DPP6: variants seen among roughly 807,000 people sequenced by gnomAD.
The protein encoded by DPP6 is A-type potassium channel modulatory protein DPP6.
A neutral mutation model predicts 122.6 loss-of-function variants in DPP6; 69 were observed. The ratio of observed to expected loss-of-function variants is 0.56; its 90% confidence interval spans 0.46 to 0.69. The LOEUF (loss-of-function observed/expected upper bound fraction) is 0.69, where lower values mean the gene tolerates loss of function less well. DPP6 is among the 30% of genes least tolerant of loss of function. The probability of loss-of-function intolerance (pLI) is 0.00; values close to 1 mark genes in which losing one functional copy is unlikely to be tolerated. For missense variants in DPP6, 928 were observed against 1,116.9 expected, an observed-to-expected ratio of 0.83 and a Z score of 2.41; for synonymous variants, 418 against 433.1, an observed-to-expected ratio of 0.97 and a Z score of 0.43.
At chr7:154,545,751 G>A (rs994562479) in intron 4 of DPP6, among the ~76,000 whole-genome samples, 2 of 152,106 alleles carry the variant, frequency 1.3e-5, no homozygotes, top group African/African-American at 4.8e-5. Flanking sequence ...CTTTTATGAG[G>A]TGAGGAAACT....
chr7:154,083,452 T>C (rs1585338665), intron 1 of DPP6, among the ~76,000 whole-genome samples: 1 of 151,220 alleles, frequency 6.6e-6, no homozygotes, highest in East Asian at 2.0e-4. Flanking sequence ...AGCGTTGCCA[T>C]CCTCCCTACC....
chr7:154,792,834 C>T (rs1031709359), intron 10 of DPP6, among the ~76,000 whole-genome samples: 3 of 152,238 alleles, frequency 2.0e-5, no homozygotes, highest in Non-Finnish European at 4.4e-5. Flanking sequence ...TCAGGAACTC[C>T]CCATGACCAC....
At chr7:154,793,995 G>A (rs1797849943) in intron 10 of DPP6, 84 bp from the exon 11 acceptor site, 1 of 1,536,318 alleles carries the variant, frequency 6.5e-7, no homozygotes, top group Admixed American at 1.8e-5. Context: ...CCCGTGTCGT[G>A]TCCAGGGCTG....
At chr7:154,776,197 G>C (rs543475094) in intron 10 of DPP6, among the ~76,000 whole-genome samples, 128 of 92,040 alleles carry the variant, frequency 1.4e-3, no homozygotes, top group Non-Finnish European at 2.3e-3. Flanking sequence ...CCCCATGATA[G>C]ATGATAGATA....
chr7:154,135,671 C>G (rs536939138), intron 1 of DPP6, among the ~76,000 whole-genome samples: 97 of 151,754 alleles, frequency 6.4e-4, no homozygotes, highest in Non-Finnish European at 1.2e-3. Flanking sequence ...CTGTGCAATT[C>G]CTGTGAGCAC....
chr7:153,937,765 C>G (rs971874054), intron 1 of DPP6, among the ~76,000 whole-genome samples: 2 of 152,208 alleles, frequency 1.3e-5, no homozygotes, highest in African/African-American at 4.8e-5. Context: ...CCTTTGATGC[C>G]CATTTTCATC....
chr7:154,446,101 C>A, intron 1 of DPP6, 113 bp from the exon 2 acceptor site: 1 of 633,068 alleles, frequency 1.6e-6, no homozygotes, highest in Non-Finnish European at 2.7e-6. Flanking sequence ...TGGGAAGATG[C>A]CTCTTTCACT....
Position 154,036,418 on chromosome 7 carries a change from G to T in DPP6, c.51+148684G>T, listed in dbSNP as rs559308533. 3.2e-3 allele frequency among the ~76,000 whole-genome samples: 473 copies of T among 147,726 alleles called. 2 individuals carry two copies. The highest frequency in any genetic ancestry group is 5.0e-3 in the Non-Finnish European group (339 of 67,282). On this transcript the variant is annotated intron_variant, in intron 1 of 25. Coordinates refer to the DPP6 transcript ENST00000404039. ...TTACAGGCATGAGCCACCTTGTCTGGCCTCTACTTTCTCCAGTTAGAAAGT... is the reference window on the plus strand; with the variant it reads ...TTACAGGCATGAGCCACCTTGTCTGTCCTCTACTTTCTCCAGTTAGAAAGT...
chr7:154,152,363 GA>G (rs1781580283), intron 1 of DPP6, among the ~76,000 whole-genome samples: 1 of 152,172 alleles, frequency 6.6e-6, no homozygotes, highest in Admixed American at 6.5e-5. Context: ...TTACCATCAG[GA>G]TGGAGAGAGC....
At chr7:154,751,115 G>A (rs1421019673) in intron 8 of DPP6, among the ~76,000 whole-genome samples, 2 of 152,180 alleles carry the variant, frequency 1.3e-5, no homozygotes, top group Admixed American at 6.5e-5. Context: ...AGATGGATGT[G>A]CTGGGAGGAA....
chr7:153,864,672 T>TACACACACACAC, the DPP6 span, among the ~76,000 whole-genome samples: 6 of 135,194 alleles, frequency 4.4e-5, no homozygotes, highest in Non-Finnish European at 9.5e-5. Flanking sequence ...ATAATAATAA[T>TACACACACACAC]ACACACACAC....
rs114305356 is a variant in DPP6, at chr7:154,287,229, C to T, written c.244-158985C>T. 5.3e-5 allele frequency among the ~76,000 whole-genome samples: 8 copies of T among 152,320 alleles called. No individual in the cohort carries two copies. In the East Asian group the frequency reaches 5.8e-4, roughly 11 times the overall value. On this transcript the variant is annotated intron_variant, in intron 1 of 25. Coordinates refer to ENST00000377770, the MANE Select transcript of DPP6 (RefSeq NM_130797.4). ...ATGCAAGCTCACTTAGAAGGGGAAA[C>T]GTGCTTAGTTAATGCCAGGGTTCAC...
At chr7:153,890,006 C>G (rs1025839606) in intron 1 of DPP6, among the ~76,000 whole-genome samples, 1 of 152,206 alleles carries the variant, frequency 6.6e-6, no homozygotes, top group African/African-American at 2.4e-5. Context: ...TTGGAAGACT[C>G]TTGCTAATCA....
intron 3 of DPP6, among the ~76,000 whole-genome samples, chr7:154,494,708 G>GCAC (rs1824575610): frequency 6.6e-6 from 1 of 152,114 alleles, no homozygotes; most frequent in Non-Finnish European, 1.5e-5. Flanking sequence ...AAAAGACGCT[G>GCAC]AGTACTTTAT....
chr7:153,911,324 C>T (rs1384401548), intron 1 of DPP6, among the ~76,000 whole-genome samples: 1 of 152,180 alleles, frequency 6.6e-6, no homozygotes, highest in African/African-American at 2.4e-5. Flanking sequence ...ATGATCCCTG[C>T]TCAGTCACTC....
chr7:154,879,606 A>C (rs1563316779), intron 20 of DPP6, among the ~76,000 whole-genome samples: 1 of 151,370 alleles, frequency 6.6e-6, no homozygotes. Flanking sequence ...AAAAAAAAAA[A>C]AAAACACAAA....
At chr7:154,209,757 T>C (rs917098704) in intron 1 of DPP6, among the ~76,000 whole-genome samples, 1 of 152,146 alleles carries the variant, frequency 6.6e-6, no homozygotes, top group Non-Finnish European at 1.5e-5. Flanking sequence ...GAATCCACAA[T>C]GGGCATCAGT....
the DPP6 span, among the ~76,000 whole-genome samples, chr7:153,829,826 G>C: frequency 1.3e-5 from 2 of 152,162 alleles, no homozygotes; most frequent in African/African-American, 4.8e-5. Flanking sequence ...CAGATTGACC[G>C]ATTGTTTCGG....
chr7:153,906,547 C>G (rs572448232), intron 1 of DPP6, among the ~76,000 whole-genome samples: 51 of 152,174 alleles, frequency 3.4e-4, no homozygotes, highest in Non-Finnish European at 6.8e-4. Context: ...GCCTCCCAGG[C>G]TCAGGTAATC....
Sources: allele counts gnomAD v4.1 joint callset (sites outside exome capture counted in the v4.1 genomes callset), GRCh38; gene constraint gnomAD v4.1.1; transcripts MANE v1.5; gene names NCBI Gene and HGNC (gene_info 2026-07-23, HGNC 2026-07-21).